NPAS3: variants seen among roughly 807,000 people sequenced by gnomAD.
NPAS3 encodes the protein neuronal PAS domain-containing protein 3.
Under a neutral mutation model 73.1 loss-of-function variants are expected in NPAS3, and 14 were observed. That is an observed-to-expected ratio of 0.19 (90% confidence interval 0.13 to 0.30). The LOEUF (loss-of-function observed/expected upper bound fraction) is 0.30, where lower values mean the gene tolerates loss of function less well. Ranked by LOEUF, NPAS3 falls within the 10% of genes least tolerant of loss-of-function variation. The pLI is 1.00. For missense variants in NPAS3, 1,096 were observed against 1,250.0 expected, an observed-to-expected ratio of 0.88 and a Z score of 1.86; for synonymous variants, 620 against 541.5, an observed-to-expected ratio of 1.14 and a Z score of -2.01.
intron 2 of NPAS3, among the ~76,000 whole-genome samples, chr14:33,139,603 A>T (rs995919683): frequency 1.3e-5 from 2 of 152,158 alleles, no homozygotes; most frequent in Admixed American, 6.6e-5. Context: ...TCTCCTCCTG[A>T]CAATTTGTTT....
chr14:33,350,741 T>C (rs1488562941), intron 3 of NPAS3, among the ~76,000 whole-genome samples: 1 of 152,240 alleles, frequency 6.6e-6, no homozygotes, highest in Admixed American at 6.5e-5. Context: ...TGTAATGCTT[T>C]GCGGCTAATA....
chr14:33,021,234 G>A (rs1008261191), intron 1 of NPAS3, among the ~76,000 whole-genome samples: 5 of 152,160 alleles, frequency 3.3e-5, no homozygotes, highest in East Asian at 1.9e-4. Flanking sequence ...CAGCAGCAGC[G>A]TGAAAATCAA....
At chr14:33,274,185 G>T (rs1007813623) in intron 3 of NPAS3, among the ~76,000 whole-genome samples, 1 of 152,184 alleles carries the variant, frequency 6.6e-6, no homozygotes, top group African/African-American at 2.4e-5. Flanking sequence ...TTTGAATATG[G>T]TTTGAACAGT....
At chr14:33,793,949 C>T (rs759678637) in exon 10 of NPAS3, 12 of 1,613,596 alleles carry the variant, frequency 7.4e-6, no homozygotes, top group East Asian at 2.2e-5. Flanking sequence ...TGCAGAAGAA[C>T]GGAGGATATA....
In NPAS3 at chr14:33,188,690, C is replaced by T. The variant is rs1373367520; in HGVS notation, c.141-26492C>T. On this transcript the variant is annotated intron_variant, in intron 2 of 11. Transcript: ENST00000356141. ...CTCAGTTCAGGACTTAGTATTGTTA[C>T]AGGAGAAGATTATATCTGCAACTTT... Among the ~76,000 whole-genome samples the T allele has an allele frequency of 4.6e-5, 7 of 152,156 alleles. No individual in the cohort carries two copies. In the East Asian group the frequency reaches 1.3e-3, roughly 29 times the overall value.
At chr14:33,486,383 G>T (rs1325940263) in intron 4 of NPAS3, among the ~76,000 whole-genome samples, 3 of 151,930 alleles carry the variant, frequency 2.0e-5, no homozygotes, top group African/African-American at 4.8e-5. Flanking sequence ...AACCACTAAG[G>T]TTCACAGAAT....
chr14:33,373,996 A>G (rs907684038), intron 4 of NPAS3, among the ~76,000 whole-genome samples: 2 of 152,090 alleles, frequency 1.3e-5, no homozygotes, highest in African/African-American at 4.8e-5. Context: ...TAGTAAAATA[A>G]CCCTCTTGTT....
chr14:33,104,089 C>A (rs1324939181), intron 2 of NPAS3, among the ~76,000 whole-genome samples: 1 of 152,154 alleles, frequency 6.6e-6, no homozygotes, highest in Non-Finnish European at 1.5e-5. Flanking sequence ...TAAAAAAAAT[C>A]TGTATGGGTA....
chr14:33,521,917 T>C (rs559296406), intron 4 of NPAS3, among the ~76,000 whole-genome samples: 1 of 152,324 alleles, frequency 6.6e-6, no homozygotes, highest in East Asian at 1.9e-4. Flanking sequence ...CAGTTTACAT[T>C]GGCTGGAATA....
chr14:33,684,920 C>A (rs572721738), intron 6 of NPAS3, among the ~76,000 whole-genome samples: 1 of 152,326 alleles, frequency 6.6e-6, no homozygotes, highest in African/African-American at 2.4e-5. Context: ...CTGGAGGGAT[C>A]TGCTCATGAA....
At chr14:33,749,624 A>T (rs748265599) in intron 7 of NPAS3, among the ~76,000 whole-genome samples, 3 of 152,184 alleles carry the variant, frequency 2.0e-5, no homozygotes, top group South Asian at 2.1e-4. Context: ...CCAACAACTC[A>T]TAGTGGCCAG....
intron 2 of NPAS3, among the ~76,000 whole-genome samples, chr14:33,070,159 C>G (rs183366291): frequency 1.4e-4 from 22 of 152,232 alleles, no homozygotes; most frequent in Non-Finnish European, 3.1e-4. Flanking sequence ...GCAAGGAGAT[C>G]ACATCAAGGA....
intron 3 of NPAS3, among the ~76,000 whole-genome samples, chr14:33,366,431 G>A (rs757975874): frequency 2.0e-5 from 3 of 152,094 alleles, no homozygotes; most frequent in Non-Finnish European, 2.9e-5. Context: ...TGTGTGGTAG[G>A]CACCTGCAGG....
intron 2 of NPAS3, among the ~76,000 whole-genome samples, chr14:33,142,704 T>G (rs953558131): frequency 2.0e-5 from 3 of 152,256 alleles, no homozygotes; most frequent in African/African-American, 7.2e-5. Flanking sequence ...AAAGGATTAT[T>G]ATTTCTGAAG....
chr14:33,126,605 G>C (rs1016934569), intron 2 of NPAS3, among the ~76,000 whole-genome samples: 1 of 152,074 alleles, frequency 6.6e-6, no homozygotes, highest in Non-Finnish European at 1.5e-5. Flanking sequence ...GATGGGAAGG[G>C]CTTGGCCAGG....
chr14:33,629,413 G>A (rs958374444), intron 5 of NPAS3, among the ~76,000 whole-genome samples: 6 of 152,130 alleles, frequency 3.9e-5, no homozygotes, highest in Admixed American at 3.9e-4. Context: ...TGAGAATTCA[G>A]CCATCTACTA....
At chr14:33,046,757 C>T (rs989840834) in intron 1 of NPAS3, among the ~76,000 whole-genome samples, 1 of 152,146 alleles carries the variant, frequency 6.6e-6, no homozygotes, top group African/African-American at 2.4e-5. Flanking sequence ...AGGTGGATGA[C>T]CTGAGTTCAG....
chr14:33,135,005 A>G (rs1045046510), intron 2 of NPAS3, among the ~76,000 whole-genome samples: 1 of 152,192 alleles, frequency 6.6e-6, no homozygotes, highest in Non-Finnish European at 1.5e-5. Context: ...TTATAAAGCT[A>G]GTGCCAGCTT....
At chr14:33,037,769 A>G (rs983419256) in intron 1 of NPAS3, among the ~76,000 whole-genome samples, 3 of 152,256 alleles carry the variant, frequency 2.0e-5, no homozygotes, top group Non-Finnish European at 4.4e-5. Context: ...ATTTGAAAGA[A>G]TTGGTGAAAT....
Sources: allele counts gnomAD v4.1 joint callset (sites outside exome capture counted in the v4.1 genomes callset), GRCh38; gene constraint gnomAD v4.1.1; transcripts MANE v1.5; gene names NCBI Gene and HGNC (gene_info 2026-07-23, HGNC 2026-07-21).